The following SH3BP2 variants were observed in gnomAD, a reference collection of about 807,000 sequenced individuals.
SH3BP2 encodes the protein SH3 domain-binding protein 2.
SH3BP2 carries 38 observed loss-of-function variants against 56.2 expected under a neutral mutation model. That is an observed-to-expected ratio of 0.68 (90% CI 0.52 to 0.89). The LOEUF (loss-of-function observed/expected upper bound fraction) is 0.89, where lower values mean the gene tolerates loss of function less well. SH3BP2 is among the 40% of genes least tolerant of loss of function. SH3BP2 has a pLI of 0.00. For missense variants in SH3BP2, 748 were observed against 762.6 expected, an observed-to-expected ratio of 0.98 and a Z score of 0.23; for synonymous variants, 346 against 316.7, an observed-to-expected ratio of 1.09 and a Z score of -0.98.
intron 5 of SH3BP2, 151 bp downstream of exon 5, chr4:2,825,347 C>T (rs1724548002): frequency 4.2e-6 from 3 of 706,216 alleles, no homozygotes; most frequent in South Asian, 1.5e-5. Flanking sequence ...CTCTCTGCTC[C>T]TGTCTACAGA....
At chr4:2,811,579 G>A (rs897951982) in intron 1 of SH3BP2, among the ~76,000 whole-genome samples, 1 of 152,214 alleles carries the variant, frequency 6.6e-6, no homozygotes, top group Admixed American at 6.5e-5. Context: ...AGCCCTGGGA[G>A]GGGCCGAATT....
intron 7 of SH3BP2, among the ~76,000 whole-genome samples, chr4:2,828,503 G>A (rs149246713): frequency 0.02 from 2,997 of 152,210 alleles, 51 homozygotes; most frequent in East Asian, 0.027. Flanking sequence ...TCTGCGGGCC[G>A]CTTGCCTCAG....
Position 2,830,040 on chromosome 4 carries a change from G to GC in SH3BP2, c.1140dup (p.Val381ArgfsTer14), listed in dbSNP as rs759199606. 20 of 1,612,376 alleles carry GC rather than the reference G, an allele frequency of 1.2e-5. No individual in the cohort carries two copies. The highest frequency in any genetic ancestry group is 4.5e-5 in the East Asian group (2 of 44,888). Reference sequence around the variant, plus strand: ...AGGCAGCCATGCCCGGACTCTTTGTGCCCCCCGTGGCTCCCCGGCCTCCTG... The same window carrying GC: ...AGGCAGCCATGCCCGGACTCTTTGTGCCCCCCCGTGGCTCCCCGGCCTCCTG... On this transcript the variant is annotated frameshift_variant, in exon 8 of 13. Transcript: ENST00000503393. LOFTEE classifies it high-confidence loss of function.
rs1560111269 is a variant in SH3BP2 at position 2,830,003 on chromosome 4, A to AC, written c.1103dup (p.Arg369LysfsTer26). The stretch of plus-strand genomic sequence containing the variant: ...AAGTTCCTGAAGATAGCTGAAGAGG[A>AC]CCCCCCAAGGGAGGCAGCCATGCCC... On this transcript the variant is annotated frameshift_variant, in exon 8 of 13. Transcript: ENST00000503393. LOFTEE classifies it high-confidence loss of function. The AC allele has an allele frequency of 1.9e-6, 3 of 1,612,210 alleles. No individual in the cohort carries two copies. The highest frequency in any genetic ancestry group is 1.7e-6 in the Non-Finnish European group (2 of 1,179,786).
At chr4:2,827,052 T>TG (rs1490036083) in intron 5 of SH3BP2, 178 bp from the exon 6 acceptor site, 4 of 698,306 alleles carry the variant, frequency 5.7e-6, no homozygotes, top group Non-Finnish European at 1.0e-5. Context: ...CGTATCCGTG[T>TG]GTGCATGTGT....
chr4:2,804,560 C>G (rs1404882161), intron 1 of SH3BP2, among the ~76,000 whole-genome samples: 4 of 152,188 alleles, frequency 2.6e-5, no homozygotes, highest in African/African-American at 9.6e-5. Context: ...CTGAGCTGGG[C>G]CCTGCGGTAG....
intron 2 of SH3BP2, among the ~76,000 whole-genome samples, chr4:2,821,823 G>A (rs1251589489): frequency 2.0e-5 from 3 of 152,122 alleles, no homozygotes; most frequent in African/African-American, 4.8e-5. Context: ...GGGATTACAG[G>A]TGTGAGCCAC....
Position 2,823,121 on chromosome 4 carries a change from T to A in SH3BP2, c.239+84T>A, listed in dbSNP as rs41264713. 100,344 of 984,462 alleles carry A rather than the reference T, an allele frequency of 0.1. 5,816 individuals are homozygous for A. The highest frequency in any genetic ancestry group is 0.13 in the Middle Eastern group (615 of 4,682). The allele number at this position is 984,462 out of a possible 1,614,324, so 61.0% of individuals were successfully genotyped here. A position where few individuals can be genotyped will look rare whatever the true frequency, so the allele number is the denominator to read the frequency against. ...CAGAGCCCCAGCTGGGCCTGCCCCT[T>A]ATTCCCGCCCAAGGAAAGTGCTTTC... On this transcript the variant is annotated intron_variant, in intron 3 of 12. Transcript: ENST00000503393.
chr4:2,812,573 TCCTCGGGGCTGG>T, intron 1 of SH3BP2: 7 of 1,437,142 alleles, frequency 4.9e-6, no homozygotes, highest in Non-Finnish European at 5.6e-6. Flanking sequence ...GCCACAGCCT[TCCTCGGGGCTGG>T]CCGTGGGAGC....
chr4:2,831,779 A>G lies in SH3BP2; in HGVS notation c.1350+100A>G. ...GGCCCCTCACAGACCGTCCTGAGCA[A>G]GGACCCCCCGAGAACCCGGGAGCCT... On this transcript the variant is annotated intron_variant, in intron 9 of 12. Coordinates refer to ENST00000503393, the MANE Select transcript of SH3BP2 (RefSeq NM_001122681.2). This position sits in a 1 kb window ranked among gnomAD's most constrained non-coding sequence, Gnocchi z 4.1. The G allele has an allele frequency of 7.4e-7, 1 of 1,354,490 alleles. No individual in the cohort carries two copies. Among genetic ancestry groups the G allele is most frequent in the South Asian group, 1.2e-5 (1 of 81,114 alleles). The allele number at this position is 1,354,490 out of a possible 1,614,324, so 83.9% of individuals were successfully genotyped here. A position where few individuals can be genotyped will look rare whatever the true frequency, so the allele number is the denominator to read the frequency against.
At chr4:2,818,481 C>A in intron 1 of SH3BP2, 2 of 709,116 alleles carry the variant, frequency 2.8e-6, no homozygotes, top group Non-Finnish European at 1.8e-6. Flanking sequence ...GGACCAGGGC[C>A]GCGAGCCCCG....
rs1408344686 is a variant in SH3BP2, at chr4:2,826,327, GCT to G, written c.429-900_429-899del. The G allele has an allele frequency of 5.0e-5, 7 of 138,922 alleles. 1 individual carries two copies. The highest frequency in any genetic ancestry group is 2.2e-4 in the African/African-American group (7 of 31,462). 8.6% of individuals were successfully genotyped at this position (138,922 alleles called of 1,614,324 possible). The stretch of plus-strand genomic sequence containing the variant: ...TGTGTGTGTGCAATGTCCACGTGTT[GCT>G]CTGTGTTTGTGTGTGCATGTCTGCG... On this transcript the variant is annotated intron_variant, in intron 5 of 12. Transcript: ENST00000503393.
At chr4:2,827,434 C>T in intron 6 of SH3BP2, 116 bp downstream of exon 6, 1 of 1,205,698 alleles carries the variant, frequency 8.3e-7, no homozygotes, top group South Asian at 1.2e-5. Flanking sequence ...GGCCCTTTGG[C>T]AGTGCGCAGT....
At chr4:2,830,633 G>C (rs1270657025) in intron 8 of SH3BP2, among the ~76,000 whole-genome samples, 1 of 152,232 alleles carries the variant, frequency 6.6e-6, no homozygotes, top group East Asian at 1.9e-4. Flanking sequence ...AAAGTGTAGA[G>C]ATTACGGGCG....
At chr4:2,828,159 T>G (rs1396704448) in intron 7 of SH3BP2, among the ~76,000 whole-genome samples, 1 of 152,082 alleles carries the variant, frequency 6.6e-6, no homozygotes, top group African/African-American at 2.4e-5. Flanking sequence ...AAGCACGAGC[T>G]GGGTGGGGAG....
At chr4:2,809,238 C>T (rs557605899) in intron 1 of SH3BP2, among the ~76,000 whole-genome samples, 1 of 130,388 alleles carries the variant, frequency 7.7e-6, no homozygotes, top group South Asian at 2.6e-4. Context: ...GCTCAGTGCC[C>T]GCCTTCCCCC....
chr4:2,832,558 C>T (rs1691292795), intron 11 of SH3BP2, 146 bp downstream of exon 11: 1 of 728,568 alleles, frequency 1.4e-6, no homozygotes, highest in South Asian at 1.4e-5. Flanking sequence ...CCCAGCAGCA[C>T]CCCCCAATCT....
chr4:2,802,476 G>A (rs1459594017), intron 1 of SH3BP2, among the ~76,000 whole-genome samples: 3 of 147,320 alleles, frequency 2.0e-5, no homozygotes, highest in Non-Finnish European at 4.5e-5. Flanking sequence ...ATGTGTATGT[G>A]TATATATATG....
chr4:2,830,857 C>T (rs965073700), intron 8 of SH3BP2, among the ~76,000 whole-genome samples: 6 of 152,212 alleles, frequency 3.9e-5, no homozygotes, highest in South Asian at 2.1e-4. Flanking sequence ...CGCGCACCCC[C>T]GAATGCCCTT....
Sources: gnomAD v4.1 joint callset for allele counts (sites outside exome capture counted in the v4.1 genomes callset) on GRCh38, gnomAD v4.1.1 for gene constraint, Gnocchi (gnomAD v3.1) non-coding constraint, MANE v1.5 for transcripts, NCBI Gene and HGNC (gene_info 2026-07-23, HGNC 2026-07-21) for gene names.